Variants in RNF180 observed in about 807,000 individuals in gnomAD.
RNF180 encodes E3 ubiquitin-protein ligase RNF180.
RNF180 carries 38 observed loss-of-function variants against 59.2 expected under a neutral mutation model. The observed-to-expected ratio is 0.64, with a 90% CI of 0.50 to 0.84. The LOEUF (loss-of-function observed/expected upper bound fraction) is 0.84, where lower values mean the gene tolerates loss of function less well. Among genes scored for constraint, RNF180 ranks in the 40% least tolerant of loss-of-function variants. The pLI is 0.00. For synonymous variants in RNF180, 262 were observed against 240.3 expected (o/e 1.09, Z -0.84); for missense variants, 705 against 700.9 (o/e 1.01, Z -0.07).
chr5:64,238,145 A>T (rs1252579451), intron 5 of RNF180, among the ~76,000 whole-genome samples: 1 of 152,214 alleles, frequency 6.6e-6, no homozygotes, highest in African/African-American at 2.4e-5. Flanking sequence ...TCAGTGTTCA[A>T]CCATGTTTTT....
intron 7 of RNF180, among the ~76,000 whole-genome samples, chr5:64,363,775 G>A (rs984377839): frequency 6.6e-6 from 1 of 151,854 alleles, no homozygotes; most frequent in Admixed American, 6.6e-5. Flanking sequence ...GCAGTGGTTT[G>A]TAGTTTTTCT....
At chr5:64,270,815 G>A (rs1741358014) in intron 5 of RNF180, among the ~76,000 whole-genome samples, 1 of 152,008 alleles carries the variant, frequency 6.6e-6, no homozygotes, top group Admixed American at 6.6e-5. Context: ...AAAATCAGTT[G>A]CTCATATTAA....
At chr5:64,215,012 G>A (rs1371129150) in intron 4 of RNF180, among the ~76,000 whole-genome samples, 1 of 152,032 alleles carries the variant, frequency 6.6e-6, no homozygotes, top group Non-Finnish European at 1.5e-5. Flanking sequence ...ATCTAGTTAT[G>A]ATTAACTGTG....
rs575378670 is a variant in RNF180, at chr5:64,350,762, G to A, written c.1580-18853G>A. On this transcript the variant is annotated intron_variant, in intron 7 of 7. Coordinates refer to ENST00000389100, the MANE Select transcript of RNF180 (RefSeq NM_001113561.2). ...CTGAGGGCTCTGTTCTGTTCCATTG[G>A]TCTATATCTCTGTTTTGGTACCAGT... is the stretch of plus-strand genomic sequence containing the variant. 3.3e-5 allele frequency among the ~76,000 whole-genome samples: 5 copies of A among 152,116 alleles called. No individual in the cohort carries two copies. The South Asian group carries it at 6.2e-4, about 19-fold the overall frequency.
At chr5:64,292,622 C>T (rs926831145) in intron 5 of RNF180, among the ~76,000 whole-genome samples, 1 of 152,212 alleles carries the variant, frequency 6.6e-6, no homozygotes, top group Non-Finnish European at 1.5e-5. Flanking sequence ...CAGGGACCCA[C>T]TTAAAGAAAT....
At chr5:64,202,894 T>G (rs1359299106) in intron 2 of RNF180, among the ~76,000 whole-genome samples, 1 of 152,230 alleles carries the variant, frequency 6.6e-6, no homozygotes, top group East Asian at 1.9e-4. Context: ...AAGTTCACAC[T>G]GCTACTAAGA....
chr5:64,281,145 CATTG>C (rs1441708575), intron 5 of RNF180, among the ~76,000 whole-genome samples: 6 of 152,196 alleles, frequency 3.9e-5, no homozygotes, highest in Non-Finnish European at 7.3e-5. Flanking sequence ...GATTTTTGTA[CATTG>C]ATTTTATATC....
chr5:64,361,565 C>CA (rs1321579554), intron 7 of RNF180, among the ~76,000 whole-genome samples: 1 of 151,056 alleles, frequency 6.6e-6, no homozygotes, highest in Non-Finnish European at 1.5e-5. Context: ...GATTATATGG[C>CA]AAAAAAGTGT....
intron 7 of RNF180, among the ~76,000 whole-genome samples, chr5:64,338,547 A>G (rs1015312583): frequency 2.6e-5 from 4 of 151,880 alleles, no homozygotes; most frequent in African/African-American, 9.7e-5. Context: ...AGGCAGGAGA[A>G]TGGCGTGAAT....
chr5:64,246,934 G>A (rs1426417261), intron 5 of RNF180, among the ~76,000 whole-genome samples: 2 of 152,126 alleles, frequency 1.3e-5, no homozygotes, highest in African/African-American at 4.8e-5. Flanking sequence ...CTTCATCCCT[G>A]GGATGCAAGC....
chr5:64,286,750 A>G lies in RNF180; in HGVS notation c.1228-38436A>G, dbSNP rs571896477. Among the ~76,000 whole-genome samples the G allele has an allele frequency of 2.0e-5, 3 of 152,356 alleles. No homozygotes were observed. The East Asian group carries it at 5.8e-4, about 29-fold the overall frequency. ...AGTTAAGGTATTAACTATATATATG[A>G]GAATATGAATATGAATTTCACAAGA... On this transcript the variant is annotated intron_variant, in intron 5 of 7. Transcript: ENST00000389100.
intron 5 of RNF180, among the ~76,000 whole-genome samples, chr5:64,245,985 A>G (rs182051054): frequency 2.6e-5 from 4 of 152,366 alleles, no homozygotes; most frequent in South Asian, 4.1e-4. Context: ...CTACATGGCA[A>G]CTGAACATCC....
At chr5:64,276,244 T>G (rs2112370180) in intron 5 of RNF180, among the ~76,000 whole-genome samples, 1 of 152,154 alleles carries the variant, frequency 6.6e-6, no homozygotes, top group Middle Eastern at 3.4e-3. Flanking sequence ...CATCCATTCC[T>G]TGAGCATTTT....
chr5:64,261,635 C>T (rs983603119), intron 5 of RNF180, among the ~76,000 whole-genome samples: 4 of 152,116 alleles, frequency 2.6e-5, no homozygotes, highest in African/African-American at 9.7e-5. Flanking sequence ...TCCCTACCTT[C>T]GTTGTGTTTC....
At chr5:64,318,670 A>T (rs997803254) in intron 5 of RNF180, among the ~76,000 whole-genome samples, 1 of 152,162 alleles carries the variant, frequency 6.6e-6, no homozygotes, top group Non-Finnish European at 1.5e-5. Context: ...TTCAGCTGAT[A>T]GTTAAAAGTG....
intron 1 of RNF180, among the ~76,000 whole-genome samples, chr5:64,181,289 C>T (rs1447489955): frequency 6.6e-6 from 1 of 152,210 alleles, no homozygotes; most frequent in Admixed American, 6.5e-5. Flanking sequence ...CAATACTTTG[C>T]ATCCTACAAT....
chr5:64,263,887 C>T (rs1381762388), intron 5 of RNF180, among the ~76,000 whole-genome samples: 1 of 152,102 alleles, frequency 6.6e-6, no homozygotes. Context: ...TTTACATAAA[C>T]AGCTTAGTGT....
chr5:64,331,189 A>C lies in RNF180; in HGVS notation c.1579+783A>C, dbSNP rs191167209. 1.5e-3 allele frequency among the ~76,000 whole-genome samples: 223 copies of C among 152,336 alleles called. 1 individual carries two copies. The highest frequency in any genetic ancestry group is 5.1e-3 in the African/African-American group (212 of 41,578). ...AGGGGAGCTGAGGGCAGCTCAGCGC[A>C]ACCTGCATACACCGCTTGGCAAGAA... On this transcript the variant is annotated intron_variant, in intron 7 of 7. Coordinates refer to ENST00000389100, the MANE Select transcript of RNF180 (RefSeq NM_001113561.2).
At chr5:64,301,108 CA>C (rs1482042058) in intron 5 of RNF180, among the ~76,000 whole-genome samples, 2 of 151,698 alleles carry the variant, frequency 1.3e-5, no homozygotes, top group Non-Finnish European at 1.5e-5. Context: ...CACTGTAAAA[CA>C]GTAAAGATTC....
Sources: gnomAD v4.1 joint callset for allele counts (sites outside exome capture counted in the v4.1 genomes callset) on GRCh38, gnomAD v4.1.1 for gene constraint, MANE v1.5 for transcripts, NCBI Gene and HGNC (gene_info 2026-07-23, HGNC 2026-07-21) for gene names.